PIBF1: variants seen among roughly 807,000 people sequenced by gnomAD.
PIBF1 encodes the protein progesterone-induced-blocking factor 1.
In PIBF1, 90 loss-of-function variants were observed where a neutral mutation model predicts 112.5. The observed-to-expected ratio is 0.80, with a 90% CI of 0.67 to 0.95. The LOEUF is 0.95. Ranked by LOEUF, PIBF1 falls within the 40% of genes least tolerant of loss-of-function variation. The pLI is 0.00. For synonymous variants in PIBF1, 301 were observed against 288.6 expected, an observed-to-expected ratio of 1.04 and a Z score of -0.44; for missense variants, 915 against 852.3, an observed-to-expected ratio of 1.07 and a Z score of -0.92.
At chr13:72,896,642 A>G (rs1311656718) in intron 11 of PIBF1, among the ~76,000 whole-genome samples, 1 of 152,226 alleles carries the variant, frequency 6.6e-6, no homozygotes. Context: ...GCTTTTAAAA[A>G]TGCGAAATGT....
chr13:72,865,617 A>G (rs981574078), intron 10 of PIBF1, among the ~76,000 whole-genome samples: 3 of 152,238 alleles, frequency 2.0e-5, no homozygotes, highest in Non-Finnish European at 2.9e-5. Context: ...AAATGCTTCA[A>G]GATGATTGCA....
intron 5 of PIBF1, among the ~76,000 whole-genome samples, chr13:72,803,078 G>T (rs2035559498): frequency 6.6e-6 from 1 of 152,094 alleles, no homozygotes; most frequent in Non-Finnish European, 1.5e-5. Context: ...TCTGGAGGAG[G>T]GATAGGGTCA....
intron 16 of PIBF1, among the ~76,000 whole-genome samples, chr13:72,981,980 T>G (rs1489473193): frequency 6.6e-6 from 1 of 152,168 alleles, no homozygotes; most frequent in East Asian, 1.9e-4. Context: ...GAGACAATAA[T>G]TTCACCCCTC....
intron 17 of PIBF1, among the ~76,000 whole-genome samples, chr13:73,001,582 C>CTTTTTTTTTTGTTTTTTTTTTT: frequency 3.4e-5 from 1 of 29,160 alleles, no homozygotes; most frequent in Non-Finnish European, 7.5e-5. Flanking sequence ...AAGAGCTTGA[C>CTTTTTTTTTTGTTTTTTTTTTT]TTTTTTTTTT....
chr13:72,802,709 G>A (rs530079105), intron 5 of PIBF1, among the ~76,000 whole-genome samples: 3 of 152,236 alleles, frequency 2.0e-5, no homozygotes, highest in African/African-American at 7.2e-5. Flanking sequence ...TACAGTCAAA[G>A]GTATGTGGAT....
intron 17 of PIBF1, among the ~76,000 whole-genome samples, chr13:73,010,623 G>T (rs2044167640): frequency 1.3e-5 from 2 of 151,504 alleles, no homozygotes; most frequent in Non-Finnish European, 2.9e-5. Context: ...AATAAATAAA[G>T]AACAATGGCA....
intron 10 of PIBF1, among the ~76,000 whole-genome samples, chr13:72,884,244 G>C (rs888239380): frequency 6.6e-6 from 1 of 152,060 alleles, no homozygotes; most frequent in Admixed American, 6.5e-5. Flanking sequence ...CCTTCGTATT[G>C]GTCTCTACAC....
chr13:73,006,022 C>T (rs574141784), intron 17 of PIBF1, among the ~76,000 whole-genome samples: 5 of 149,664 alleles, frequency 3.3e-5, no homozygotes, highest in Non-Finnish European at 5.9e-5. Flanking sequence ...TGGGTTCAAG[C>T]AATTCTCCCA....
intron 5 of PIBF1, among the ~76,000 whole-genome samples, chr13:72,810,454 A>C (rs2035955271): frequency 6.6e-6 from 1 of 152,240 alleles, no homozygotes; most frequent in Non-Finnish European, 1.5e-5. Flanking sequence ...CCTTGTTTAG[A>C]AACATAGTTA....
intron 17 of PIBF1, among the ~76,000 whole-genome samples, chr13:72,999,927 G>C (rs2043801784): frequency 1.3e-5 from 2 of 152,190 alleles, no homozygotes; most frequent in African/African-American, 4.8e-5. Flanking sequence ...AAATTACCCG[G>C]GTGTGGTGGC....
intron 14 of PIBF1, among the ~76,000 whole-genome samples, chr13:72,956,104 G>A (rs1566488187): frequency 6.6e-6 from 1 of 152,102 alleles, no homozygotes; most frequent in Non-Finnish European, 1.5e-5. Context: ...AAATTCTTGT[G>A]GAAATCTGTG....
At chr13:72,874,453 T>C (rs1214295232) in intron 10 of PIBF1, among the ~76,000 whole-genome samples, 1 of 152,164 alleles carries the variant, frequency 6.6e-6, no homozygotes. Context: ...TTATAAAAGT[T>C]CTATGTTGAA....
chr13:72,827,791 G>A lies in PIBF1; in HGVS notation c.974G>A (p.Arg325His), dbSNP rs779580516. The change falls in exon 8 of 18, where the codon CGC (arginine) becomes CAC (histidine). Residue 325 changes from arginine to histidine, a missense_variant. Physicochemically the swap from Arg to His is conservative, Grantham distance 29 (BLOSUM62 0). Transcript: ENST00000326291. ...LLQKDKEYLN[R>H]QNMELSVRCA... ...CAAAAGGATAAAGAATATCTTAATC[G>A]CCAAAACATGGAGCTTAGTGTTCGC... 1.4e-5 allele frequency: 22 copies of A among 1,600,722 alleles called. No homozygotes were observed. The highest frequency in any genetic ancestry group is 1.7e-4 in the Middle Eastern group (1 of 6,034).
Position 72,901,284 on chromosome 13 carries a change from G to A in PIBF1, c.1489-7247G>A, listed in dbSNP as rs2040475936. On this transcript the variant is annotated intron_variant, in intron 11 of 17. Transcript: ENST00000326291. Reference sequence around the variant, plus strand: ...AATTCTCAAAAGAAGATATACAAATGGCAAGTAAACATGAAAAAATGCTCA... The same window carrying A: ...AATTCTCAAAAGAAGATATACAAATAGCAAGTAAACATGAAAAAATGCTCA... Among the ~76,000 whole-genome samples, 3 of 152,104 alleles carry A rather than the reference G, an allele frequency of 2.0e-5. No homozygotes were observed. In the South Asian group the frequency reaches 6.2e-4, roughly 32 times the overall value.
At chr13:72,863,718 C>T (rs1053330597) in intron 10 of PIBF1, among the ~76,000 whole-genome samples, 7 of 148,484 alleles carry the variant, frequency 4.7e-5, no homozygotes, top group Admixed American at 1.3e-4. Context: ...CAAAGTAATA[C>T]AGAATTAAAA....
intron 14 of PIBF1, among the ~76,000 whole-genome samples, chr13:72,955,586 A>T (rs567289785): frequency 1.3e-5 from 2 of 152,090 alleles, no homozygotes; most frequent in African/African-American, 4.8e-5. Context: ...GAAAATCACA[A>T]TGCAAATTCT....
chr13:72,799,341 G>C (rs1010924694), intron 5 of PIBF1, among the ~76,000 whole-genome samples: 1 of 152,078 alleles, frequency 6.6e-6, no homozygotes, highest in Non-Finnish European at 1.5e-5. Context: ...CTACTTTGCT[G>C]TACTATTAGT....
At chr13:72,818,215 C>T (rs1484318462) in intron 5 of PIBF1, among the ~76,000 whole-genome samples, 3 of 152,282 alleles carry the variant, frequency 2.0e-5, no homozygotes, top group Admixed American at 6.5e-5. Flanking sequence ...GTTGCACTCA[C>T]AGAAAACACT....
At chr13:72,823,430 A>C (rs1209394500) in intron 6 of PIBF1, among the ~76,000 whole-genome samples, 1 of 152,224 alleles carries the variant, frequency 6.6e-6, no homozygotes, top group African/African-American at 2.4e-5. Flanking sequence ...CATGATAAGC[A>C]TCTTTATGGT....
Sources: allele counts gnomAD v4.1 joint callset (sites outside exome capture counted in the v4.1 genomes callset), GRCh38; gene constraint gnomAD v4.1.1; transcripts MANE v1.5; gene names NCBI Gene and HGNC (gene_info 2026-07-23, HGNC 2026-07-21).